The following GANC variants were observed in gnomAD, a reference collection of about 807,000 sequenced individuals.
GANC encodes the protein neutral alpha-glucosidase C.
In GANC, 117 loss-of-function variants were observed where a neutral mutation model predicts 124.2. That is an observed-to-expected ratio of 0.94 (90% confidence interval 0.81 to 1.10). The LOEUF is 1.10. GANC is among the 50% of genes least tolerant of loss of function. The pLI is 0.00. For synonymous variants in GANC, 377 were observed against 376.8 expected, an observed-to-expected ratio of 1.00 and a Z score of -0.01; for missense variants, 1,140 against 1,095.0, an observed-to-expected ratio of 1.04 and a Z score of -0.58.
intron 4 of GANC, among the ~76,000 whole-genome samples, chr15:42,291,276 G>A (rs562996273): frequency 6.6e-6 from 1 of 152,328 alleles, no homozygotes; most frequent in South Asian, 2.1e-4. Context: ...ACCAGATAAT[G>A]TAGATTTGAT....
chr15:42,309,267 C>G (rs907495886), intron 8 of GANC, among the ~76,000 whole-genome samples: 1 of 152,124 alleles, frequency 6.6e-6, no homozygotes, highest in East Asian at 1.9e-4. Context: ...GCTCCCACCC[C>G]CAATTCAGTT....
chr15:42,331,682 G>A (rs1265393350), intron 15 of GANC, among the ~76,000 whole-genome samples: 1 of 152,060 alleles, frequency 6.6e-6, no homozygotes, highest in African/African-American at 2.4e-5. Context: ...TCAACACAGT[G>A]GTAGTCCTTG....
chr15:42,336,891 A>G (rs1223922038), intron 15 of GANC, among the ~76,000 whole-genome samples: 2 of 152,254 alleles, frequency 1.3e-5, no homozygotes, highest in Admixed American at 6.5e-5. Context: ...AAAGCTCAAC[A>G]TCACTGATCA....
rs533976210 is a variant in GANC, at chr15:42,317,136, A to G, written c.1058-4649A>G. Among the ~76,000 whole-genome samples the G allele has an allele frequency of 1.6e-3, 251 of 152,318 alleles. 1 individual carries two copies. The highest frequency in any genetic ancestry group is 5.9e-3 in the African/African-American group (244 of 41,560). On this transcript the variant is annotated intron_variant, in intron 10 of 23. Coordinates refer to ENST00000318010, the MANE Select transcript of GANC (RefSeq NM_198141.3). The stretch of plus-strand genomic sequence containing the variant: ...TCGGCACCTGGGTAATCCTTCGCCC[A>G]CACATGATAGCCAAAAGGTAGAAAC...
intron 5 of GANC, 78 bp downstream of exon 5, chr15:42,292,995 CAT>C (rs2051856433): frequency 7.6e-7 from 1 of 1,322,630 alleles, no homozygotes; most frequent in African/African-American, 1.5e-5. Context: ...AAATAGATAA[CAT>C]AGCACCATAG....
chr15:42,295,653 C>G (rs1466943639), intron 5 of GANC, among the ~76,000 whole-genome samples: 2 of 144,976 alleles, frequency 1.4e-5, no homozygotes, highest in Non-Finnish European at 3.0e-5. Flanking sequence ...CACACACACA[C>G]ACACACACAC....
Position 42,310,785 on chromosome 15 carries a change from T to C in GANC, c.996T>C (p.Asp332=). ...GGATGTCAGAGAGTGGCATCATTGA[T>C]GTTTTTCTGCTGACAGGACCTACAC... The part of the protein sequence containing the change: ...VHWMSESGII[D]VFLLTGPTPS... Residue 332 remains aspartate (D), a synonymous_variant, in exon 10 of 24, where the codon GAT becomes GAC. Coordinates refer to ENST00000318010, the MANE Select transcript of GANC (RefSeq NM_198141.3). The C allele has an allele frequency of 6.2e-7, 1 of 1,613,986 alleles. No homozygotes were observed.
intron 20 of GANC, among the ~76,000 whole-genome samples, chr15:42,346,443 T>C (rs1318662966): frequency 1.3e-5 from 2 of 152,184 alleles, no homozygotes; most frequent in Non-Finnish European, 2.9e-5. Context: ...AGTGTGGTGA[T>C]GGTTGCATGA....
chr15:42,273,509 G>A lies in GANC; in HGVS notation c.-973G>A, dbSNP rs1281942072. ...ATTATCCGGGTCCTGGAAACGTCGC[G>A]GAGCTTGTTTGCTGTGCGGCGTAGC... On this transcript the variant is annotated 5_prime_UTR_variant, in exon 1 of 24. Transcript: ENST00000318010. 2 of 1,515,494 alleles carry A rather than the reference G, an allele frequency of 1.3e-6. No individual in the cohort carries two copies. Among genetic ancestry groups the A allele is most frequent in the East Asian group, 2.4e-5 (1 of 42,110 alleles). 93.9% of individuals were successfully genotyped at this position (1,515,494 alleles called of 1,614,324 possible). A position where few individuals can be genotyped will look rare whatever the true frequency, so the allele number is the denominator to read the frequency against.
At chr15:42,332,699 T>C (rs1375048639) in intron 15 of GANC, among the ~76,000 whole-genome samples, 2 of 151,944 alleles carry the variant, frequency 1.3e-5, no homozygotes, top group Non-Finnish European at 1.5e-5. Flanking sequence ...AATACTTTTT[T>C]AAAAGAACAA....
At chr15:42,311,784 T>C (rs996401740) in intron 10 of GANC, among the ~76,000 whole-genome samples, 1 of 152,074 alleles carries the variant, frequency 6.6e-6, no homozygotes, top group African/African-American at 2.4e-5. Context: ...TCTTCCAACA[T>C]TGGGGATTAC....
intron 20 of GANC, among the ~76,000 whole-genome samples, chr15:42,347,521 A>T (rs1416670155): frequency 6.6e-6 from 1 of 152,204 alleles, no homozygotes; most frequent in African/African-American, 2.4e-5. Flanking sequence ...ATGTAAGAGC[A>T]GCAGTTTCAC....
chr15:42,329,523 A>G (rs2052225088), intron 14 of GANC, 74 bp downstream of exon 14: 1 of 1,458,600 alleles, frequency 6.9e-7, no homozygotes, highest in Non-Finnish European at 9.3e-7. Context: ...GCTTTGTGAT[A>G]TAATGGCTAT....
At chr15:42,292,421 C>T (rs2141026694) in intron 4 of GANC, among the ~76,000 whole-genome samples, 1 of 151,568 alleles carries the variant, frequency 6.6e-6, no homozygotes, top group South Asian at 2.1e-4. Context: ...GAGCTTTACA[C>T]ATGTGATCTC....
chr15:42,285,688 A>T (rs1354084997), intron 3 of GANC, among the ~76,000 whole-genome samples: 2 of 152,094 alleles, frequency 1.3e-5, no homozygotes, highest in African/African-American at 2.4e-5. Context: ...CCAGCTACTC[A>T]GGAGGCTGAG....
Position 42,308,267 on chromosome 15 carries a change from A to G in GANC, c.671A>G (p.His224Arg). The stretch of plus-strand genomic sequence containing the variant: ...GATTTCTCCTTGCATGGATTTGAGC[A>G]TCTTTATGGGATCCCACAACATGCA... Reference protein sequence around the residue: ...GLDFSLHGFEHLYGIPQHAES... With the variant: ...GLDFSLHGFERLYGIPQHAES... Residue 224 changes from histidine (H) to arginine (R), a missense_variant, in exon 8 of 24, where the codon CAT becomes CGT. His to Arg is a conservative substitution (Grantham distance 29). Coordinates refer to ENST00000318010, the MANE Select transcript of GANC (RefSeq NM_198141.3). 1 of 1,610,122 alleles carries G rather than the reference A, an allele frequency of 6.2e-7. No individual in the cohort carries two copies. Among genetic ancestry groups the G allele is most frequent in the African/African-American group, 1.3e-5 (1 of 75,036 alleles).
chr15:42,282,093 C>T (rs887396097), intron 3 of GANC, among the ~76,000 whole-genome samples: 4 of 152,106 alleles, frequency 2.6e-5, no homozygotes, highest in Non-Finnish European at 4.4e-5. Context: ...TAGGCCGAGG[C>T]GGGCAGATCA....
At chr15:42,283,865 G>T in intron 3 of GANC, 1 of 702,630 alleles carries the variant, frequency 1.4e-6, no homozygotes, top group Non-Finnish European at 2.6e-6. Context: ...AGCACACCTG[G>T]ACAGGCCAGT....
intron 6 of GANC, among the ~76,000 whole-genome samples, chr15:42,304,645 C>T (rs1566953666): frequency 1.3e-5 from 2 of 152,184 alleles, no homozygotes; most frequent in South Asian, 4.1e-4. Context: ...AAAAAAGAGT[C>T]CATATAGCCA....
Sources: gnomAD v4.1 joint callset for allele counts (sites outside exome capture counted in the v4.1 genomes callset) on GRCh38, gnomAD v4.1.1 for gene constraint, MANE v1.5 for transcripts, NCBI Gene and HGNC (gene_info 2026-07-23, HGNC 2026-07-21) for gene names.